Variants in UGGT2 observed in about 807,000 individuals in gnomAD.
The protein encoded by UGGT2 is UDP-glucose glycoprotein glucosyltransferase 2.
In UGGT2, 180 loss-of-function variants were observed where a neutral mutation model predicts 192.1. That is an observed-to-expected ratio of 0.94 (90% CI 0.83 to 1.06). The LOEUF (loss-of-function observed/expected upper bound fraction) is 1.06, where lower values mean the gene tolerates loss of function less well. Among genes scored for constraint, UGGT2 ranks in the 50% least tolerant of loss-of-function variants. The probability of loss-of-function intolerance (pLI) is 0.00; values close to 1 mark genes in which losing one functional copy is unlikely to be tolerated. For missense variants in UGGT2, 1,849 were observed against 1,795.7 expected, an observed-to-expected ratio of 1.03 and a Z score of -0.54; for synonymous variants, 580 against 591.0, an observed-to-expected ratio of 0.98 and a Z score of 0.27.
At chr13:96,032,991 CA>C (rs1013651487) in intron 1 of UGGT2, among the ~76,000 whole-genome samples, 2 of 152,202 alleles carry the variant, frequency 1.3e-5, no homozygotes, top group Non-Finnish European at 2.9e-5. Flanking sequence ...TGTGCAACCA[CA>C]GGTAAAAACT....
chr13:95,947,968 C>A (rs757311229), intron 14 of UGGT2, 28 bp downstream of exon 14: 1 of 1,554,834 alleles, frequency 6.4e-7, no homozygotes, highest in African/African-American at 1.4e-5. Flanking sequence ...CTTTAGTTGA[C>A]AGTTTAATGC....
chr13:95,997,204 A>G (rs962645498), intron 6 of UGGT2, among the ~76,000 whole-genome samples: 1 of 152,204 alleles, frequency 6.6e-6, no homozygotes, highest in South Asian at 2.1e-4. Context: ...CTATGACAGG[A>G]TAGACACCAA....
intron 20 of UGGT2, among the ~76,000 whole-genome samples, chr13:95,925,401 T>C (rs1291837544): frequency 1.3e-5 from 2 of 152,178 alleles, no homozygotes; most frequent in Non-Finnish European, 2.9e-5. Flanking sequence ...CTAGAGTTAC[T>C]TACTTTGTTT....
At chr13:95,919,939 A>T (rs1286014625) in intron 20 of UGGT2, among the ~76,000 whole-genome samples, 2 of 152,168 alleles carry the variant, frequency 1.3e-5, no homozygotes, top group Admixed American at 1.3e-4. Context: ...GTATCATGCT[A>T]CCCAACTTCA....
At chr13:95,848,598 T>C (rs377641973) in intron 36 of UGGT2, among the ~76,000 whole-genome samples, 1 of 152,178 alleles carries the variant, frequency 6.6e-6, no homozygotes, top group African/African-American at 2.4e-5. Context: ...ACTATATTTA[T>C]GTGGATTTAT....
chr13:95,927,974 G>A (rs1392592917), intron 17 of UGGT2, among the ~76,000 whole-genome samples: 1 of 152,128 alleles, frequency 6.6e-6, no homozygotes, highest in African/African-American at 2.4e-5. Flanking sequence ...GAGAGCACGG[G>A]GTTGGGGGTA....
At chr13:95,814,427 C>T (rs1884719684) in intron 38 of UGGT2, among the ~76,000 whole-genome samples, 1 of 152,212 alleles carries the variant, frequency 6.6e-6, no homozygotes, top group East Asian at 1.9e-4. Flanking sequence ...TTAATGACTG[C>T]CCTGCTGGGT....
chr13:95,817,355 T>C (rs1422609094), intron 38 of UGGT2, among the ~76,000 whole-genome samples: 6 of 151,948 alleles, frequency 3.9e-5, no homozygotes, highest in Non-Finnish European at 7.4e-5. Context: ...GGGGCTAAGG[T>C]AGGCAGATTG....
chr13:95,927,850 C>G (rs7336373), intron 17 of UGGT2, among the ~76,000 whole-genome samples: 6 of 151,890 alleles, frequency 4.0e-5, no homozygotes, highest in African/African-American at 9.7e-5. Context: ...ACTTGAGATT[C>G]GGGAGTGGTG....
chr13:95,827,392 C>T (rs1053359713), intron 38 of UGGT2, among the ~76,000 whole-genome samples: 1 of 152,074 alleles, frequency 6.6e-6, no homozygotes, highest in African/African-American at 2.4e-5. Context: ...GGTGTCCTAA[C>T]TGAACAAGGA....
intron 12 of UGGT2, among the ~76,000 whole-genome samples, chr13:95,967,651 T>C (rs2050630911): frequency 6.6e-6 from 1 of 151,804 alleles, no homozygotes; most frequent in Non-Finnish European, 1.5e-5. Context: ...TTTTTGTACA[T>C]TTAGTAGAGA....
At chr13:95,838,422 A>T (rs1173928405) in intron 36 of UGGT2, among the ~76,000 whole-genome samples, 1 of 152,172 alleles carries the variant, frequency 6.6e-6, no homozygotes, top group Non-Finnish European at 1.5e-5. Context: ...AGGCTTAGCA[A>T]GTTATTTTGT....
chr13:95,967,545 C>A (rs1245485001), intron 12 of UGGT2, among the ~76,000 whole-genome samples: 2 of 148,000 alleles, frequency 1.4e-5, no homozygotes, highest in African/African-American at 2.5e-5. Flanking sequence ...GCGATCCTGG[C>A]TCACTGCAAC....
chr13:95,930,268 A>T (rs2049203029), intron 17 of UGGT2, among the ~76,000 whole-genome samples: 1 of 152,014 alleles, frequency 6.6e-6, no homozygotes, highest in African/African-American at 2.4e-5. Flanking sequence ...CTCTTTAATT[A>T]ATTAGGTCCC....
intron 20 of UGGT2, among the ~76,000 whole-genome samples, chr13:95,903,425 G>A (rs558947589): frequency 4.3e-4 from 66 of 152,038 alleles, no homozygotes; most frequent in Non-Finnish European, 8.7e-4. Flanking sequence ...AAAAGATTCC[G>A]CAGATCTCTG....
In UGGT2 at chr13:95,983,914, C is replaced by A. The variant is rs781100832; in HGVS notation, c.1032-50G>T. 3 of 1,320,430 alleles carry A rather than the reference C, an allele frequency of 2.3e-6. No individual in the cohort carries two copies. The Admixed American group carries it at 7.2e-5, about 32-fold the overall frequency. The allele number at this position is 1,320,430 out of a possible 1,614,324, so 81.8% of individuals were successfully genotyped here. A position where few individuals can be genotyped will look rare whatever the true frequency, so the allele number is the denominator to read the frequency against. ...TTGATCCTTCCTTAAATGTTTAGAA[C>A]TGATCTATATAACCCAATGTAATCT... On this transcript the variant is annotated intron_variant, in intron 9 of 38. Coordinates refer to ENST00000376747, the MANE Select transcript of UGGT2 (RefSeq NM_020121.4).
At chr13:95,981,832 G>A (rs531587554) in intron 10 of UGGT2, among the ~76,000 whole-genome samples, 6 of 152,234 alleles carry the variant, frequency 3.9e-5, no homozygotes, top group South Asian at 2.1e-4. Flanking sequence ...CCCAAGGTTG[G>A]AACTTCAGTT....
intron 38 of UGGT2, among the ~76,000 whole-genome samples, chr13:95,814,083 A>G (rs1884702467): frequency 6.6e-6 from 1 of 152,250 alleles, no homozygotes; most frequent in Non-Finnish European, 1.5e-5. Context: ...GCAAGGGTAG[A>G]GTCTTAGAGA....
At chr13:95,802,039 C>G (rs1039290368) in intron 38 of UGGT2, among the ~76,000 whole-genome samples, 2 of 152,122 alleles carry the variant, frequency 1.3e-5, no homozygotes, top group Non-Finnish European at 2.9e-5. Context: ...AGAATGTGAG[C>G]TCCCATGAGT....
Sources: gnomAD v4.1 joint callset for allele counts (sites outside exome capture counted in the v4.1 genomes callset) on GRCh38, gnomAD v4.1.1 for gene constraint, MANE v1.5 for transcripts, NCBI Gene and HGNC (gene_info 2026-07-23, HGNC 2026-07-21) for gene names.